The following XNDC1N variants were observed in gnomAD, a reference collection of about 807,000 sequenced individuals.
XNDC1N encodes the protein XRCC1 N-terminal domain containing 1, N-terminal like.
the XNDC1N span, among the ~76,000 whole-genome samples, chr11:71,870,502 G>A: frequency 3.5e-3 from 532 of 152,194 alleles, 3 homozygotes; most frequent in African/African-American, 0.011. Context: ...AGTTCTAACT[G>A]CAAAAGCACA....
At chr11:71,874,330 A>T in the XNDC1N span, among the ~76,000 whole-genome samples, 23 of 152,328 alleles carry the variant, frequency 1.5e-4, no homozygotes, top group African/African-American at 3.4e-4. Context: ...AAAAATTTTT[A>T]AAAATAAAAA....
the XNDC1N span, among the ~76,000 whole-genome samples, chr11:71,891,066 C>T: frequency 3.0e-4 from 46 of 152,134 alleles, no homozygotes; most frequent in Admixed American, 6.5e-4. Context: ...GGTGTACATT[C>T]CCTGTGATAT....
chr11:71,899,573 G>A, the XNDC1N span, among the ~76,000 whole-genome samples: 1 of 152,186 alleles, frequency 6.6e-6, no homozygotes, highest in East Asian at 1.9e-4. Flanking sequence ...AGGGATCTAG[G>A]GCTGCGCAGG....
chr11:71,926,649 C>A, the XNDC1N span, among the ~76,000 whole-genome samples: 1 of 152,104 alleles, frequency 6.6e-6, no homozygotes, highest in Non-Finnish European at 1.5e-5. Context: ...ACCTGTAATC[C>A]CAGCATTTTG....
the XNDC1N span, among the ~76,000 whole-genome samples, chr11:71,920,426 G>A: frequency 1.3e-5 from 2 of 151,974 alleles, no homozygotes; most frequent in Admixed American, 1.3e-4. Flanking sequence ...TCCTGCTTCA[G>A]CTTCCTGAGT....
the XNDC1N span, chr11:71,884,358 T>C: frequency 1.7e-5 from 25 of 1,480,596 alleles, no homozygotes; most frequent in Non-Finnish European, 2.2e-5. Flanking sequence ...CATTTAAACA[T>C]AAAAAGTAAG....
At chr11:71,895,837 C>G in the XNDC1N span, among the ~76,000 whole-genome samples, 6 of 152,068 alleles carry the variant, frequency 3.9e-5, no homozygotes, top group Non-Finnish European at 8.8e-5. Flanking sequence ...GTATACACAC[C>G]CAATGAAGTA....
chr11:71,884,193 C>A, the XNDC1N span: 7 of 438,908 alleles, frequency 1.6e-5, no homozygotes, highest in Non-Finnish European at 2.4e-5. Flanking sequence ...CTGTACATTT[C>A]CAACTACTGC....
chr11:71,915,770 G>C, the XNDC1N span, among the ~76,000 whole-genome samples: 1 of 152,146 alleles, frequency 6.6e-6, no homozygotes, highest in East Asian at 1.9e-4. Context: ...CAATAACTTA[G>C]AAATAAAGTA....
At chr11:71,915,847 T>C in the XNDC1N span, among the ~76,000 whole-genome samples, 1 of 152,174 alleles carries the variant, frequency 6.6e-6, no homozygotes, top group East Asian at 1.9e-4. Flanking sequence ...GCTTTGTGTA[T>C]ACTGTATCCA....
chr11:71,894,967 A>T, the XNDC1N span, among the ~76,000 whole-genome samples: 2 of 152,182 alleles, frequency 1.3e-5, no homozygotes, highest in East Asian at 1.9e-4. Flanking sequence ...CTTCTATAGA[A>T]TCTATTTAGG....
the XNDC1N span, among the ~76,000 whole-genome samples, chr11:71,891,816 C>G: frequency 6.6e-6 from 1 of 150,740 alleles, no homozygotes; most frequent in Non-Finnish European, 1.5e-5. Flanking sequence ...GGGCTGAACA[C>G]CCCCCACGAT....
the XNDC1N span, among the ~76,000 whole-genome samples, chr11:71,895,077 G>A: frequency 1.3e-4 from 20 of 151,464 alleles, no homozygotes; most frequent in Non-Finnish European, 7.4e-5. Flanking sequence ...CTCAATACCT[G>A]AGATTCTGAT....
the XNDC1N span, among the ~76,000 whole-genome samples, chr11:71,866,742 C>T: frequency 7.3e-3 from 1,099 of 151,076 alleles, 22 homozygotes; most frequent in African/African-American, 0.025. Flanking sequence ...CGAGCCTGGG[C>T]GACAGAGCAA....
chr11:71,926,796 G>C, the XNDC1N span, among the ~76,000 whole-genome samples: 1 of 151,404 alleles, frequency 6.6e-6, no homozygotes, highest in East Asian at 2.0e-4. Context: ...AGCTACTGAG[G>C]AGGCTGAGGC....
the XNDC1N span, among the ~76,000 whole-genome samples, chr11:71,897,437 C>T: frequency 6.6e-6 from 1 of 152,008 alleles, no homozygotes; most frequent in African/African-American, 2.4e-5. Context: ...TAGACGTGTC[C>T]CTAAAGAAGA....
the XNDC1N span, among the ~76,000 whole-genome samples, chr11:71,891,367 C>G: frequency 6.6e-6 from 1 of 151,948 alleles, no homozygotes; most frequent in African/African-American, 2.4e-5. Context: ...GTGTTCACCC[C>G]CTGCGATATT....
chr11:71,927,896 G>C, the XNDC1N span: 1 of 152,430 alleles, frequency 6.6e-6, no homozygotes, highest in Non-Finnish European at 1.5e-5. Context: ...ATTTTCTGTT[G>C]GTCCCAATGT....
chr11:71,913,132 C>T, the XNDC1N span, among the ~76,000 whole-genome samples: 1 of 152,044 alleles, frequency 6.6e-6, no homozygotes, highest in Middle Eastern at 3.2e-3. Flanking sequence ...GTCATATCAT[C>T]CTCTTTCGCT....
Sources: gnomAD v4.1 joint callset for allele counts (sites outside exome capture counted in the v4.1 genomes callset) on GRCh38, gnomAD v4.1.1 for gene constraint, MANE v1.5 for transcripts, NCBI Gene and HGNC (gene_info 2026-07-23, HGNC 2026-07-21) for gene names.